Variants in THRAP3 observed in about 807,000 individuals in gnomAD.
The protein encoded by THRAP3 is thyroid hormone receptor associated protein 3, also known as thyroid hormone receptor-associated protein 3.
THRAP3 carries 16 observed loss-of-function variants against 101.0 expected under a neutral mutation model. The observed-to-expected ratio is 0.16, with a 90% CI of 0.11 to 0.24. The LOEUF (loss-of-function observed/expected upper bound fraction) is 0.24, where lower values mean the gene tolerates loss of function less well. Among genes scored for constraint, THRAP3 ranks in the 10% least tolerant of loss-of-function variants. The pLI, the probability that THRAP3 is intolerant of heterozygous loss-of-function variation, is 1.00. For missense variants in THRAP3, 989 were observed against 1,202.7 expected, an observed-to-expected ratio of 0.82 and a Z score of 2.63; for synonymous variants, 407 against 422.6, an observed-to-expected ratio of 0.96 and a Z score of 0.45.
chr1:36,243,100 A>G (rs1645181832), intron 1 of THRAP3, among the ~76,000 whole-genome samples: 1 of 150,304 alleles, frequency 6.7e-6, no homozygotes, highest in Non-Finnish European at 1.5e-5. Context: ...GCAAGCTGCT[A>G]ATGTTGCTTA....
chr1:36,267,126 C>G (rs1645524801), intron 2 of THRAP3, among the ~76,000 whole-genome samples: 2 of 152,050 alleles, frequency 1.3e-5, no homozygotes, highest in Admixed American at 1.3e-4. Context: ...TCAGGTGATC[C>G]ACCCGCCTCG....
At chr1:36,229,075 T>C (rs1185244677) in intron 1 of THRAP3, among the ~76,000 whole-genome samples, 1 of 152,120 alleles carries the variant, frequency 6.6e-6, no homozygotes. Flanking sequence ...AAAGATTGAC[T>C]TTATTAATTT....
intron 1 of THRAP3, among the ~76,000 whole-genome samples, chr1:36,234,266 TA>T (rs1645061066): frequency 6.6e-6 from 1 of 152,192 alleles, no homozygotes; most frequent in Non-Finnish European, 1.5e-5. Flanking sequence ...ATAAAACTGA[TA>T]AGTCCCCTAA....
In THRAP3 at chr1:36,296,706, A is replaced by C; in HGVS notation, c.2239A>C (p.Ser747Arg). The change falls in exon 9 of 12, where the codon AGT becomes CGT. Residue 747 changes from serine to arginine, a missense_variant. Physicochemically the swap from Ser to Arg is moderately radical, Grantham distance 110. Coordinates refer to ENST00000354618, the MANE Select transcript of THRAP3 (RefSeq NM_005119.4). ...AGAATCAGTGGATTCCCGAGACTCC[A>C]GTCACTCAAGGGAAAGGTCAGCTGA... ...SRESVDSRDS[S>R]HSRERSAEKT... 1 of 1,610,750 alleles carries C rather than the reference A, an allele frequency of 6.2e-7. No individual in the cohort carries two copies. The highest frequency in any genetic ancestry group is 2.2e-5 in the East Asian group (1 of 44,804).
At chr1:36,263,235 GAC>G (rs1645471008) in intron 2 of THRAP3, among the ~76,000 whole-genome samples, 1 of 152,024 alleles carries the variant, frequency 6.6e-6, no homozygotes, top group Non-Finnish European at 1.5e-5. Flanking sequence ...GAGTAGCTGA[GAC>G]TATAGGCACA....
chr1:36,277,200 C>T (rs1645672158), intron 2 of THRAP3, among the ~76,000 whole-genome samples: 1 of 151,960 alleles, frequency 6.6e-6, no homozygotes, highest in Non-Finnish European at 1.5e-5. Context: ...AACTCCTGAC[C>T]TCAGGAGATC....
chr1:36,258,758 C>T (rs1465812012), intron 1 of THRAP3, among the ~76,000 whole-genome samples: 1 of 152,226 alleles, frequency 6.6e-6, no homozygotes, highest in African/African-American at 2.4e-5. Context: ...GGATTATAGG[C>T]GTGAGCCACT....
At position 36,304,121 on chromosome 1, in the gene THRAP3, C is replaced by T. The variant is rs1646065723; in HGVS notation, c.*104C>T. 8 of 1,410,708 alleles carry T rather than the reference C, an allele frequency of 5.7e-6. No homozygotes were observed. Among genetic ancestry groups the T allele is most frequent in the African/African-American group, 1.5e-5 (1 of 68,766 alleles). 87.4% of individuals were successfully genotyped at this position (1,410,708 alleles called of 1,614,324 possible). A position where few individuals can be genotyped will look rare whatever the true frequency, so the allele number is the denominator to read the frequency against. On this transcript the variant is annotated 3_prime_UTR_variant, in exon 12 of 12. Transcript: ENST00000354618. ...CTCAAGAAGATTCTGAAAATCCTAC[C>T]CCCACCCCCCACCAGCCGCACAGAT...
chr1:36,263,355 C>G lies in THRAP3; in HGVS notation c.-32+3871C>G, dbSNP rs1184618161. 2.0e-5 allele frequency among the ~76,000 whole-genome samples: 3 copies of G among 152,144 alleles called. No homozygotes were observed. The South Asian group carries it at 6.2e-4, about 31-fold the overall frequency. On this transcript the variant is annotated intron_variant, in intron 2 of 11. Transcript: ENST00000354618. Reference sequence around the variant, plus strand: ...GCTCAAGTGATCCACCCGCCTTGGCCTCTCAAAGTGCTAGGATTTCAGGGG... The same window carrying G: ...GCTCAAGTGATCCACCCGCCTTGGCGTCTCAAAGTGCTAGGATTTCAGGGG...
At chr1:36,277,949 G>A (rs1301474464) in intron 2 of THRAP3, among the ~76,000 whole-genome samples, 2 of 151,714 alleles carry the variant, frequency 1.3e-5, no homozygotes, top group Non-Finnish European at 2.9e-5. Flanking sequence ...TTTTAGTAGA[G>A]AGGGGGTTTA....
chr1:36,208,470 T>G, the THRAP3 span, among the ~76,000 whole-genome samples: 1 of 150,236 alleles, frequency 6.7e-6, no homozygotes, highest in Non-Finnish European at 1.5e-5. Context: ...CAATCTACCT[T>G]TTGCAGCCTC....
In THRAP3 at chr1:36,304,230, T is replaced by C. The variant is rs1646067756; in HGVS notation, c.*213T>C. The C allele has an allele frequency of 1.7e-6, 1 of 585,642 alleles. No homozygotes were observed. The highest frequency in any genetic ancestry group is 3.4e-5 in the East Asian group (1 of 29,066). The allele number at this position is 585,642 out of a possible 1,614,324, so 36.3% of individuals were successfully genotyped here. On this transcript the variant is annotated 3_prime_UTR_variant, in exon 12 of 12. Transcript: ENST00000354618. ...ATGGGGCCCAGGGGTCAGGCCCAGC[T>C]TTTGAGCAGAATACAACGCATTGGG...
chr1:36,249,685 A>AGTGTGTGTGTGTGTGTGTGTGT (rs66759336), intron 1 of THRAP3, among the ~76,000 whole-genome samples: 9 of 138,212 alleles, frequency 6.5e-5, no homozygotes, highest in East Asian at 2.2e-4. Flanking sequence ...GCAGGTGGTG[A>AGTGTGTGTGTGTGTGTGTGTGT]GTGTGTGTGT....
chr1:36,276,806 G>A (rs1189608299), intron 2 of THRAP3, among the ~76,000 whole-genome samples: 5 of 151,936 alleles, frequency 3.3e-5, no homozygotes, highest in African/African-American at 7.2e-5. Context: ...GCAGTGAGCC[G>A]AGATCACGCC....
At position 36,231,533 on chromosome 1, in the gene THRAP3, C is replaced by G. The variant is rs148659360; in HGVS notation, c.-135+7028C>G. Among the ~76,000 whole-genome samples, 389 of 152,222 alleles carry G rather than the reference C, an allele frequency of 2.6e-3. 1 individual carries two copies. Among genetic ancestry groups the G allele is most frequent in the African/African-American group, 9.1e-3 (377 of 41,540 alleles). ...CTGAGACATAACAACTAAGGTTATTCTATTGTTTTTTAAAATAATATACTG... is the reference window on the plus strand; with the variant it reads ...CTGAGACATAACAACTAAGGTTATTGTATTGTTTTTTAAAATAATATACTG... On this transcript the variant is annotated intron_variant, in intron 1 of 11. Transcript: ENST00000354618.
At chr1:36,252,413 C>T (rs1049981264) in intron 1 of THRAP3, among the ~76,000 whole-genome samples, 1 of 152,124 alleles carries the variant, frequency 6.6e-6, no homozygotes, top group Non-Finnish European at 1.5e-5. Flanking sequence ...CATGAGCCAC[C>T]GTGCCTGGCC....
At chr1:36,293,830 G>A (rs1275393986) in intron 7 of THRAP3, 21 bp from the exon 8 acceptor site, 5 of 1,595,324 alleles carry the variant, frequency 3.1e-6, no homozygotes, top group Non-Finnish European at 4.3e-6. Flanking sequence ...ATACTATATC[G>A]TTTTGTATTT....
chr1:36,207,706 A>C, the THRAP3 span, among the ~76,000 whole-genome samples: 1 of 152,096 alleles, frequency 6.6e-6, no homozygotes, highest in Non-Finnish European at 1.5e-5. Flanking sequence ...AGCAACAACC[A>C]CCTGAGGCTC....
rs751485304 is a variant in THRAP3, at chr1:36,291,537, C to T, written c.1909C>T (p.His637Tyr). 4 of 1,614,128 alleles carry T rather than the reference C, an allele frequency of 2.5e-6. No homozygotes were observed. The highest frequency in any genetic ancestry group is 3.4e-6 in the Non-Finnish European group (4 of 1,180,010). Residue 637 changes from histidine to tyrosine, a missense_variant, in exon 6 of 12, where the codon CAT becomes TAT. Physicochemically the swap from His to Tyr is moderately conservative, Grantham distance 83. Transcript: ENST00000354618. ...FAQHIVTIVH[H>Y]VKEHHFGSSG... The stretch of plus-strand genomic sequence containing the variant: ...CCAACATATAGTGACCATTGTTCAC[C>T]ATGTTAAAGGTGAGTCCAGACCCTG...
Sources: allele counts gnomAD v4.1 joint callset (sites outside exome capture counted in the v4.1 genomes callset), GRCh38; gene constraint gnomAD v4.1.1; transcripts MANE v1.5; gene names NCBI Gene and HGNC (gene_info 2026-07-23, HGNC 2026-07-21).